Variants in SERPINA4 observed in about 807,000 individuals in gnomAD.
SERPINA4 encodes the protein serpin family A member 4.
SERPINA4 carries 24 observed loss-of-function variants against 25.4 expected under a neutral mutation model. The ratio of observed to expected loss-of-function variants is 0.95; its 90% CI spans 0.69 to 1.33. The LOEUF is 1.33. SERPINA4 is among the 40% of genes most tolerant of loss of function. The pLI, the probability that SERPINA4 is intolerant of heterozygous loss-of-function variation, is 0.00. For synonymous variants in SERPINA4, 242 were observed against 223.6 expected, an observed-to-expected ratio of 1.08 and a Z score of -0.73; for missense variants, 553 against 535.8, an observed-to-expected ratio of 1.03 and a Z score of -0.32.
intron 2 of SERPINA4, among the ~76,000 whole-genome samples, chr14:94,564,432 A>C (rs554435841): frequency 6.6e-6 from 1 of 152,348 alleles, no homozygotes; most frequent in South Asian, 2.1e-4. Flanking sequence ...AGCCTCTACC[A>C]ACAGTGCAAA....
At position 94,567,081 on chromosome 14, in the gene SERPINA4, G is replaced by A; in HGVS notation, c.761G>A (p.Trp254Ter). 1 of 1,614,120 alleles carries A rather than the reference G, an allele frequency of 6.2e-7. No homozygotes were observed. The highest frequency in any genetic ancestry group is 8.5e-7 in the Non-Finnish European group (1 of 1,180,038). ...ATGCTGCAGGACCAGGAGCATCACT[G>A]GTATCTTCATGACAGATACTTGCCC... is the stretch of plus-strand genomic sequence containing the variant. The part of the protein sequence containing the change: ...PMMLQDQEHH[W>*]YLHDRYLPCS... The change falls in exon 3 of 5, where the codon TGG becomes TAG. Residue 254 changes from tryptophan to a stop codon, truncating the protein, a stop_gained. Transcript: ENST00000557004. LOFTEE classifies it high-confidence loss of function.
rs1192435080 is a variant in SERPINA4, at chr14:94,568,114, C to T, written c.924-15C>T. On this transcript the variant is annotated splice_polypyrimidine_tract_variant and intron_variant, in intron 3 of 4. Transcript: ENST00000557004. The stretch of plus-strand genomic sequence containing the variant: ...TGTTCATTAATCTAATGTTCTAACT[C>T]AATGCCCCTTTCAGGAATTTTTACA... The T allele has an allele frequency of 1.9e-6, 3 of 1,613,844 alleles. No individual in the cohort carries two copies. The highest frequency in any genetic ancestry group is 2.5e-6 in the Non-Finnish European group (3 of 1,179,782).
At chr14:94,569,228 T>C (rs1337743327) in intron 4 of SERPINA4, among the ~76,000 whole-genome samples, 167 bp from the exon 5 acceptor site, 2 of 152,214 alleles carry the variant, frequency 1.3e-5, no homozygotes, top group South Asian at 4.1e-4. Flanking sequence ...AGGAGGTCTC[T>C]AGCTCAAAAA....
Position 94,563,940 on chromosome 14 carries a change from C to A in SERPINA4, c.458C>A (p.Ala153Glu), listed in dbSNP as rs769156344. ...CTGAGCCACAACCTGAAGTTCCTTG[C>A]AAAATTCCTGAATGACACCATGGCC... ...LFLSHNLKFL[A>E]KFLNDTMAVY... The change falls in exon 2 of 5, where the codon GCA becomes GAA. Residue 153 changes from alanine (A) to glutamate (E), a missense_variant. Ala to Glu is a moderately radical substitution (Grantham distance 107). Transcript: ENST00000557004. The A allele has an allele frequency of 1.9e-6, 3 of 1,614,188 alleles. No homozygotes were observed. Among genetic ancestry groups the A allele is most frequent in the African/African-American group, 1.3e-5 (1 of 75,044 alleles).
At chr14:94,566,149 C>T (rs1339986671) in intron 2 of SERPINA4, among the ~76,000 whole-genome samples, 2 of 152,168 alleles carry the variant, frequency 1.3e-5, no homozygotes, top group Non-Finnish European at 2.9e-5. Context: ...TCTTAACTTC[C>T]TTGGTTTTCC....
rs771213621 is a variant in SERPINA4, at chr14:94,569,542, A to G, written c.1231A>G (p.Ser411Gly). Residue 411 changes from serine to glycine, a missense_variant, in exon 5 of 5, where the codon AGC becomes GGC. By Grantham distance (56) the Ser-to-Gly change is moderately conservative. Coordinates refer to ENST00000557004, the MANE Select transcript of SERPINA4 (RefSeq NM_006215.4). ...CTTCCTTGTGGTGATCTTTTCCACC[A>G]GCACCCAGAGTGTCCTCTTTCTGGG... ...RPFLVVIFST[S>G]TQSVLFLGKV... The G allele has an allele frequency of 2.5e-6, 4 of 1,614,180 alleles. No individual in the cohort carries two copies. Among genetic ancestry groups the G allele is most frequent in the Non-Finnish European group, 3.4e-6 (4 of 1,180,028 alleles).
chr14:94,564,145 C>T lies in SERPINA4; in HGVS notation c.649+14C>T. The T allele has an allele frequency of 1.9e-6, 3 of 1,598,278 alleles. No homozygotes were observed. Among genetic ancestry groups the T allele is most frequent in the Non-Finnish European group, 2.5e-6 (3 of 1,178,658 alleles). ...TTTACTTCAAAGGTGAGAGTCAGAT[C>T]ATTGGTATATGCTAAATCCACACCA... On this transcript the variant is annotated intron_variant, in intron 2 of 4. Transcript: ENST00000557004.
rs1267145819 is a variant in SERPINA4 at position 94,568,234 on chromosome 14, C to T, written c.1029C>T (p.Ser343=). Residue 343 remains serine, a synonymous_variant, in exon 4 of 5, where the codon TCC becomes TCT. Coordinates refer to ENST00000557004, the MANE Select transcript of SERPINA4 (RefSeq NM_006215.4). Reference sequence around the variant, plus strand: ...GGCTGGGCTTCACGGATCTGTTCTCCAAGTGGGCTGACTTATCCGGCATCA... The same window carrying T: ...GGCTGGGCTTCACGGATCTGTTCTCTAAGTGGGCTGACTTATCCGGCATCA... ...LPRLGFTDLF[S]KWADLSGITK... 13 of 1,614,090 alleles carry T rather than the reference C, an allele frequency of 8.1e-6. No individual in the cohort carries two copies. Among genetic ancestry groups the T allele is most frequent in the Non-Finnish European group, 1.1e-5 (13 of 1,180,040 alleles).
In SERPINA4 at chr14:94,563,774, C is replaced by A; in HGVS notation, c.292C>A (p.Arg98Ser). 6.2e-7 allele frequency: 1 copy of A among 1,614,158 alleles called. No homozygotes were observed. Among genetic ancestry groups the A allele is most frequent in the Non-Finnish European group, 8.5e-7 (1 of 1,180,054 alleles). The part of the protein sequence containing the change: ...MLSLGACSHS[R>S]SQILEGLGFN... ...TTCCCTGGGGGCCTGCTCACACAGC[C>A]GCAGCCAGATCCTTGAGGGCCTGGG... Residue 98 changes from arginine to serine, a missense_variant, in exon 2 of 5, where the codon CGC becomes AGC. Transcript: ENST00000557004.
Position 94,566,976 on chromosome 14 carries a change from G to A in SERPINA4, c.656G>A (p.Trp219Ter). The A allele has an allele frequency of 6.2e-7, 1 of 1,613,104 alleles. No individual in the cohort carries two copies. Among genetic ancestry groups the A allele is most frequent in the South Asian group, 1.1e-5 (1 of 90,976 alleles). The change falls in exon 3 of 5, where the codon TGG becomes TAG. Residue 219 changes from tryptophan (W) to a stop codon, truncating the protein, a stop_gained. Coordinates refer to ENST00000557004, the MANE Select transcript of SERPINA4 (RefSeq NM_006215.4). LOFTEE classifies it high-confidence loss of function. ...CTTTTCATCTTCCCTTCAGCCCTGT[G>A]GGAGAAACCATTCATTTCCTCAAGG... ...LVNYIYFKAL[W>*]EKPFISSRTT...
chr14:94,563,613 A>G lies in SERPINA4; in HGVS notation c.131A>G (p.Glu44Gly), dbSNP rs1189978687. 1 of 1,613,932 alleles carries G rather than the reference A, an allele frequency of 6.2e-7. No homozygotes were observed. Among genetic ancestry groups the G allele is most frequent in the Non-Finnish European group, 8.5e-7 (1 of 1,180,030 alleles). The change falls in exon 2 of 5, where the codon GAG becomes GGG. Residue 44 changes from glutamate (E) to glycine (G), a missense_variant. Glu to Gly is a moderately conservative substitution (Grantham distance 98). Coordinates refer to ENST00000557004, the MANE Select transcript of SERPINA4 (RefSeq NM_006215.4). ...SSHQQILETG[E>G]GSPSLKIAPA... ...CACCAGCAGATTCTGGAGACAGGTG[A>G]GGGCTCCCCCAGCCTCAAGATAGCC...
Position 94,567,324 on chromosome 14 carries a change from T to G in SERPINA4, c.923+81T>G, listed in dbSNP as rs1902252749. On this transcript the variant is annotated intron_variant, in intron 3 of 4. Coordinates refer to ENST00000557004, the MANE Select transcript of SERPINA4 (RefSeq NM_006215.4). ...TCTAATGAAAGACAGTGCCCCAAAA[T>G]AGAGAGTGAACACCAAATTATGAGA... is the stretch of plus-strand genomic sequence containing the variant. 2.0e-6 allele frequency: 3 copies of G among 1,464,516 alleles called. No homozygotes were observed. The South Asian group carries it at 4.0e-5, about 20-fold the overall frequency. The allele number at this position is 1,464,516 out of a possible 1,614,324, so 90.7% of individuals were successfully genotyped here. A position where few individuals can be genotyped will look rare whatever the true frequency, so the allele number is the denominator to read the frequency against.
intron 2 of SERPINA4, among the ~76,000 whole-genome samples, chr14:94,566,358 C>T (rs1379977991): frequency 6.6e-6 from 1 of 152,220 alleles, no homozygotes; most frequent in African/African-American, 2.4e-5. Context: ...CATATCTCCA[C>T]TCTCCAAAAC....
chr14:94,565,821 G>C (rs1902186115), intron 2 of SERPINA4, among the ~76,000 whole-genome samples: 1 of 152,020 alleles, frequency 6.6e-6, no homozygotes. Flanking sequence ...ACCACACTCT[G>C]GTCTGGGTGA....
At chr14:94,563,416 C>T (rs1326072582) in intron 1 of SERPINA4, 50 bp from the exon 2 acceptor site, 1 of 1,544,362 alleles carries the variant, frequency 6.5e-7, no homozygotes, top group South Asian at 1.2e-5. Flanking sequence ...CTCAGTAGGG[C>T]CAGGTGTTCT....
intron 1 of SERPINA4, among the ~76,000 whole-genome samples, chr14:94,563,143 T>C (rs1347538313): frequency 6.6e-6 from 1 of 152,154 alleles, no homozygotes; most frequent in Admixed American, 6.5e-5. Context: ...GTGACTTGGG[T>C]GAGTCACTTT....
chr14:94,568,221 C>T lies in SERPINA4; in HGVS notation c.1016C>T (p.Thr339Met), dbSNP rs763312128. 1.7e-5 allele frequency: 27 copies of T among 1,614,112 alleles called. No individual in the cohort carries two copies. The highest frequency in any genetic ancestry group is 5.5e-5 in the South Asian group (5 of 91,090). Residue 339 changes from threonine to methionine, a missense_variant, in exon 4 of 5, where the codon ACG becomes ATG. Thr to Met is a moderately conservative substitution (Grantham distance 81). Transcript: ENST00000557004. ...CAGATTTTGCCCAGGCTGGGCTTCA[C>T]GGATCTGTTCTCCAAGTGGGCTGAC... ...LDQILPRLGF[T>M]DLFSKWADLS...
intron 1 of SERPINA4, among the ~76,000 whole-genome samples, chr14:94,562,436 C>G (rs1480666630): frequency 6.6e-6 from 1 of 151,824 alleles, no homozygotes; most frequent in African/African-American, 2.4e-5. Flanking sequence ...CTGGGTGTGG[C>G]TGTGCATGCC....
In SERPINA4 at chr14:94,569,590, C is replaced by A; in HGVS notation, c.1279C>A (p.Pro427Thr). The stretch of plus-strand genomic sequence containing the variant: ...GGGCAAGGTCGTCGACCCCACGAAA[C>A]CATAGCCCTCCCAGGGCTGCTCATC... ...FLGKVVDPTKP is the reference protein window; with the variant it reads ...FLGKVVDPTKT Residue 427 changes from proline to threonine, a missense_variant, in exon 5 of 5, where the codon CCA becomes ACA. Coordinates refer to ENST00000557004, the MANE Select transcript of SERPINA4 (RefSeq NM_006215.4). 12 of 1,614,160 alleles carry A rather than the reference C, an allele frequency of 7.4e-6. No individual in the cohort carries two copies. The highest frequency in any genetic ancestry group is 9.3e-6 in the Non-Finnish European group (11 of 1,180,010).
Sources: gnomAD v4.1 joint callset for allele counts (sites outside exome capture counted in the v4.1 genomes callset) on GRCh38, gnomAD v4.1.1 for gene constraint, MANE v1.5 for transcripts, NCBI Gene and HGNC (gene_info 2026-07-23, HGNC 2026-07-21) for gene names.